ADGRB3: variants seen among roughly 807,000 people sequenced by gnomAD.
ADGRB3 encodes brain-specific angiogenesis inhibitor 3.
In ADGRB3, 37 loss-of-function variants were observed where a neutral mutation model predicts 193.4. The ratio of observed to expected loss-of-function variants is 0.19; its 90% CI spans 0.15 to 0.25. ADGRB3 has a LOEUF of 0.25. Among genes scored for constraint, ADGRB3 ranks in the 10% least tolerant of loss-of-function variants. The pLI is 1.00. For synonymous variants in ADGRB3, 690 were observed against 644.2 expected (o/e 1.07, Z -1.08); for missense variants, 1,637 against 1,852.9 (o/e 0.88, Z 2.14).
At chr6:69,309,461 A>G (rs2127299694) in intron 20 of ADGRB3, among the ~76,000 whole-genome samples, 1 of 151,854 alleles carries the variant, frequency 6.6e-6, no homozygotes, top group East Asian at 1.9e-4. Context: ...ACAAGGGAAT[A>G]TTTCATGCAT....
intron 6 of ADGRB3, among the ~76,000 whole-genome samples, chr6:68,949,039 T>A (rs1767846665): frequency 6.6e-6 from 1 of 152,132 alleles, no homozygotes; most frequent in Non-Finnish European, 1.5e-5. Context: ...TGACATATTA[T>A]TATAATTAGG....
intron 3 of ADGRB3, among the ~76,000 whole-genome samples, chr6:68,900,131 T>TAAG (rs1196854580): frequency 2.0e-5 from 3 of 152,150 alleles, no homozygotes; most frequent in African/African-American, 4.8e-5. Context: ...TAATTATATA[T>TAAG]AAGTATACAT....
intron 12 of ADGRB3, 97 bp downstream of exon 12, chr6:69,014,203 AT>A: frequency 1.1e-6 from 1 of 894,070 alleles, no homozygotes; most frequent in Non-Finnish European, 1.7e-6. Flanking sequence ...AAAACAAGAT[AT>A]TTTTAAGTCA....
intron 3 of ADGRB3, among the ~76,000 whole-genome samples, chr6:68,860,869 A>T (rs1329348665): frequency 8.3e-6 from 1 of 120,228 alleles, no homozygotes; most frequent in Non-Finnish European, 1.9e-5. Flanking sequence ...AGAGTTTTTT[A>T]AATATGCTTT....
chr6:69,385,015 A>T (rs1770036759), intron 31 of ADGRB3, among the ~76,000 whole-genome samples: 1 of 148,232 alleles, frequency 6.7e-6, no homozygotes, highest in South Asian at 2.1e-4. Flanking sequence ...ACTGCAAATG[A>T]TGGTAATTAT....
At chr6:69,166,271 G>A (rs866114521) in intron 17 of ADGRB3, among the ~76,000 whole-genome samples, 14 of 152,038 alleles carry the variant, frequency 9.2e-5, no homozygotes, top group African/African-American at 2.4e-4. Context: ...TTCGTAGCTC[G>A]AAGAAAGCAT....
intron 3 of ADGRB3, among the ~76,000 whole-genome samples, chr6:68,839,507 G>A: frequency 6.6e-6 from 1 of 152,094 alleles, no homozygotes; most frequent in East Asian, 1.9e-4. Context: ...ACTTTTTGAT[G>A]ACCAAACTTT....
At chr6:68,916,230 A>G (rs1766876204) in intron 3 of ADGRB3, among the ~76,000 whole-genome samples, 1 of 152,220 alleles carries the variant, frequency 6.6e-6, no homozygotes, top group African/African-American at 2.4e-5. Flanking sequence ...AAAATTAAAC[A>G]TACAATTACT....
At chr6:68,783,229 T>G (rs1766892972) in intron 3 of ADGRB3, among the ~76,000 whole-genome samples, 1 of 150,206 alleles carries the variant, frequency 6.7e-6, no homozygotes, top group Admixed American at 6.7e-5. Context: ...CAGCCAAGAT[T>G]CTGATATAGA....
intron 6 of ADGRB3, among the ~76,000 whole-genome samples, chr6:68,953,937 T>C (rs1768002260): frequency 6.6e-6 from 1 of 152,234 alleles, no homozygotes; most frequent in Middle Eastern, 3.2e-3. Context: ...CTAAGAACAA[T>C]GAACTGATCT....
At chr6:69,234,004 G>C (rs1397897785) in intron 18 of ADGRB3, among the ~76,000 whole-genome samples, 6 of 152,138 alleles carry the variant, frequency 3.9e-5, no homozygotes, top group Non-Finnish European at 7.4e-5. Flanking sequence ...GTACATAACT[G>C]TCTGAAAGAA....
Position 69,016,694 on chromosome 6 carries a change from T to G in ADGRB3, c.1999-1697T>G, listed in dbSNP as rs1770101701. ...TATATTTACCTCTCAAAGAGAGACA[T>G]TCCTGGATCTTTAAGCTTGTAGGAG... On this transcript the variant is annotated intron_variant, in intron 12 of 31. Transcript: ENST00000370598. Among the ~76,000 whole-genome samples, 5 of 151,890 alleles carry G rather than the reference T, an allele frequency of 3.3e-5. 1 individual carries two copies. In the South Asian group the frequency reaches 1.0e-3, roughly 31 times the overall value.
intron 8 of ADGRB3, among the ~76,000 whole-genome samples, chr6:68,958,366 A>G (rs780738104): frequency 3.9e-5 from 6 of 152,246 alleles, no homozygotes; most frequent in Non-Finnish European, 7.3e-5. Flanking sequence ...TGTATTAAAC[A>G]AAAACATTTA....
intron 17 of ADGRB3, among the ~76,000 whole-genome samples, chr6:69,084,349 A>G (rs1376634870): frequency 1.3e-5 from 2 of 152,234 alleles, no homozygotes; most frequent in Admixed American, 1.3e-4. Flanking sequence ...CCAAGGAGCC[A>G]TGTGTGTTAA....
At chr6:68,675,781 C>G (rs1025683216) in intron 3 of ADGRB3, among the ~76,000 whole-genome samples, 6 of 152,156 alleles carry the variant, frequency 3.9e-5, no homozygotes, top group African/African-American at 9.6e-5. Context: ...GACTAAGCAG[C>G]ATACTCTGCT....
chr6:68,736,197 T>A (rs1041995848), intron 3 of ADGRB3, among the ~76,000 whole-genome samples: 28 of 151,208 alleles, frequency 1.9e-4, no homozygotes, highest in Admixed American at 1.4e-3. Flanking sequence ...AAAAAAAAAA[T>A]TTATAGAGAT....
intron 3 of ADGRB3, among the ~76,000 whole-genome samples, chr6:68,861,488 G>C (rs1765153292): frequency 1.3e-5 from 2 of 152,086 alleles, no homozygotes; most frequent in African/African-American, 2.4e-5. Context: ...CGTGAACCCG[G>C]GAGGTGGAGC....
chr6:68,853,210 T>C (rs1190373838), intron 3 of ADGRB3, among the ~76,000 whole-genome samples: 1 of 152,086 alleles, frequency 6.6e-6, no homozygotes, highest in African/African-American at 2.4e-5. Context: ...GAACAAATTA[T>C]GATATATCTT....
chr6:69,229,868 C>A (rs548257551), intron 17 of ADGRB3, among the ~76,000 whole-genome samples: 1 of 152,298 alleles, frequency 6.6e-6, no homozygotes, highest in African/African-American at 2.4e-5. Flanking sequence ...GGAAAGGCAT[C>A]AAGTAAATAT....
Sources: gnomAD v4.1 joint callset for allele counts (sites outside exome capture counted in the v4.1 genomes callset) on GRCh38, gnomAD v4.1.1 for gene constraint, MANE v1.5 for transcripts, NCBI Gene and HGNC (gene_info 2026-07-23, HGNC 2026-07-21) for gene names.